SEMA3C: variants seen among roughly 807,000 people sequenced by gnomAD.
The protein encoded by SEMA3C is semaphorin-3C.
A neutral mutation model predicts 89.4 loss-of-function variants in SEMA3C; 47 were observed. The observed-to-expected ratio is 0.53, with a 90% CI of 0.42 to 0.67. The LOEUF is 0.67. SEMA3C is among the 30% of genes least tolerant of loss of function. The pLI is 0.00. For missense variants in SEMA3C, 839 were observed against 929.1 expected (o/e 0.90, Z 1.26); for synonymous variants, 310 against 320.2 (o/e 0.97, Z 0.34).
At chr7:80,797,258 C>T (rs994401845) in intron 11 of SEMA3C, among the ~76,000 whole-genome samples, 1 of 151,862 alleles carries the variant, frequency 6.6e-6, no homozygotes, top group Non-Finnish European at 1.5e-5. Flanking sequence ...AACTAATCAA[C>T]ATTCTAGAAG....
At chr7:80,848,092 G>A (rs76552311) in intron 2 of SEMA3C, among the ~76,000 whole-genome samples, 225 of 152,236 alleles carry the variant, frequency 1.5e-3, no homozygotes, top group African/African-American at 5.0e-3. Flanking sequence ...AGTTAGTTAC[G>A]CAATTTCTGA....
intron 2 of SEMA3C, among the ~76,000 whole-genome samples, chr7:80,901,504 T>C (rs1791879395): frequency 2.0e-5 from 3 of 152,228 alleles, no homozygotes; most frequent in South Asian, 4.1e-4. Context: ...CTTCACTGTA[T>C]CTATATACTT....
In SEMA3C at chr7:80,824,169, T is replaced by C. The variant is rs375002741; in HGVS notation, c.327+3256A>G. On this transcript the variant is annotated intron_variant, in intron 4 of 17. Transcript: ENST00000265361. ...GCTTAACTCTGTTTTATTTTTGCTT[T>C]CAGTTGTTATAGCAGTATGGATTTT... 2.0e-5 allele frequency among the ~76,000 whole-genome samples: 3 copies of C among 152,290 alleles called. No homozygotes were observed. The East Asian group carries it at 5.8e-4, about 29-fold the overall frequency.
chr7:80,834,659 T>C (rs1790085238), intron 2 of SEMA3C, among the ~76,000 whole-genome samples: 1 of 152,148 alleles, frequency 6.6e-6, no homozygotes, highest in African/African-American at 2.4e-5. Context: ...AAATGTGAAC[T>C]TGATAAAGGA....
rs568859636 is a variant in SEMA3C, at chr7:80,918,825, T to C, written c.-39+3A>G. 3.0e-5 allele frequency: 30 copies of C among 985,456 alleles called. No individual in the cohort carries two copies. The African/African-American group carries it at 4.7e-4, about 15-fold the overall frequency. 61.0% of individuals were successfully genotyped at this position (985,456 alleles called of 1,614,324 possible). On this transcript the variant is annotated splice_donor_region_variant and intron_variant, in intron 1 of 17. Coordinates refer to ENST00000265361, the MANE Select transcript of SEMA3C (RefSeq NM_006379.5). ...AATGCGGAAAATGACCAATTTAGCT[T>C]ACCGAGGTTGAAAGAAATCAGCACG... is the stretch of plus-strand genomic sequence containing the variant.
chr7:80,906,824 A>C (rs1232843898), intron 2 of SEMA3C, among the ~76,000 whole-genome samples: 1 of 152,158 alleles, frequency 6.6e-6, no homozygotes, highest in African/African-American at 2.4e-5. Flanking sequence ...CTTTCACCTA[A>C]AACCAGAATA....
At chr7:80,763,027 TACACACACATGC>T (rs537984207) in intron 13 of SEMA3C, among the ~76,000 whole-genome samples, 78 of 152,268 alleles carry the variant, frequency 5.1e-4, no homozygotes, top group African/African-American at 1.8e-3. Context: ...TATAAATATG[TACACACACATGC>T]ACACACACAT....
At chr7:80,826,984 C>A (rs1462767080) in intron 4 of SEMA3C, among the ~76,000 whole-genome samples, 1 of 152,000 alleles carries the variant, frequency 6.6e-6, no homozygotes, top group Non-Finnish European at 1.5e-5. Context: ...AACAAAGGTA[C>A]CATTTATCAC....
At chr7:80,774,300 A>G (rs1352536173) in intron 12 of SEMA3C, among the ~76,000 whole-genome samples, 1 of 152,206 alleles carries the variant, frequency 6.6e-6, no homozygotes, top group Non-Finnish European at 1.5e-5. Context: ...ATTCAACAAC[A>G]TAATTCATTA....
intron 15 of SEMA3C, among the ~76,000 whole-genome samples, chr7:80,754,957 G>GTTTTTTTTTTTGTTTTTTTTTTTTTTT (rs1788027360): frequency 1.8e-5 from 2 of 108,368 alleles, no homozygotes; most frequent in Admixed American, 1.0e-4. Context: ...GTTTTTTTTT[G>GTTTTTTTTTTTGTTTTTTTTTTTTTTT]TTTTTTTTTT....
chr7:80,902,116 C>T (rs530386044), intron 2 of SEMA3C, among the ~76,000 whole-genome samples: 1 of 152,286 alleles, frequency 6.6e-6, no homozygotes, highest in East Asian at 1.9e-4. Flanking sequence ...CCGCACTCAA[C>T]TAGTTTCTGT....
intron 2 of SEMA3C, among the ~76,000 whole-genome samples, chr7:80,831,791 T>C (rs536799722): frequency 3.9e-5 from 6 of 152,284 alleles, no homozygotes; most frequent in Non-Finnish European, 8.8e-5. Context: ...TGATTTTATG[T>C]AGGTTTTGGC....
chr7:80,917,518 A>G (rs1191288290), intron 1 of SEMA3C, among the ~76,000 whole-genome samples: 1 of 152,236 alleles, frequency 6.6e-6, no homozygotes, highest in African/African-American at 2.4e-5. Context: ...TATTTTAAAT[A>G]AATCAACCAG....
chr7:80,800,626 T>C (rs1789179480), intron 10 of SEMA3C, 131 bp downstream of exon 10: 2 of 545,676 alleles, frequency 3.7e-6, no homozygotes, highest in African/African-American at 4.0e-5. Context: ...CAAAAGTAAA[T>C]AAAATGGAAG....
intron 2 of SEMA3C, among the ~76,000 whole-genome samples, chr7:80,895,575 A>G (rs1791714349): frequency 6.6e-6 from 1 of 152,168 alleles, no homozygotes; most frequent in Admixed American, 6.5e-5. Context: ...AAATAAAACA[A>G]ATTCAGTCCT....
chr7:80,883,611 C>A (rs189564343), intron 2 of SEMA3C, among the ~76,000 whole-genome samples: 3 of 152,324 alleles, frequency 2.0e-5, no homozygotes, highest in African/African-American at 7.2e-5. Context: ...TTTGGAATGA[C>A]ATTTTGTGTT....
At chr7:80,755,171 T>C (rs1788037446) in intron 15 of SEMA3C, among the ~76,000 whole-genome samples, 1 of 151,614 alleles carries the variant, frequency 6.6e-6, no homozygotes, top group Admixed American at 6.6e-5. Flanking sequence ...AGGCATGATA[T>C]TGTAAATGCA....
In SEMA3C at chr7:80,771,115, A is replaced by T. The variant is rs894796222; in HGVS notation, c.1355-5872T>A. Among the ~76,000 whole-genome samples, 4 of 152,238 alleles carry T rather than the reference A, an allele frequency of 2.6e-5. 1 individual carries two copies. The East Asian group carries it at 5.8e-4, about 22-fold the overall frequency. ...GAAAGAGCTCTGACTAATAAAAATTAAACAAGTAAGACATGGAAATTGCTT... is the reference window on the plus strand; with the variant it reads ...GAAAGAGCTCTGACTAATAAAAATTTAACAAGTAAGACATGGAAATTGCTT... On this transcript the variant is annotated intron_variant, in intron 12 of 17. Coordinates refer to ENST00000265361, the MANE Select transcript of SEMA3C (RefSeq NM_006379.5).
intron 12 of SEMA3C, among the ~76,000 whole-genome samples, chr7:80,783,852 A>C (rs2117097551): frequency 6.6e-6 from 1 of 152,252 alleles, no homozygotes; most frequent in South Asian, 2.1e-4. Context: ...CCAACTTAGT[A>C]CTCCTCCAGT....
Sources: gnomAD v4.1 joint callset for allele counts (sites outside exome capture counted in the v4.1 genomes callset) on GRCh38, gnomAD v4.1.1 for gene constraint, MANE v1.5 for transcripts, NCBI Gene and HGNC (gene_info 2026-07-23, HGNC 2026-07-21) for gene names.